The following STARD10 variants were observed in gnomAD, a reference collection of about 807,000 sequenced individuals.
STARD10 encodes START domain-containing protein 10.
In STARD10, 24 loss-of-function variants were observed where a neutral mutation model predicts 36.0. That is an observed-to-expected ratio of 0.67 (90% confidence interval 0.48 to 0.94). The LOEUF is 0.94. Ranked by LOEUF, STARD10 falls within the 40% of genes least tolerant of loss-of-function variation. The pLI is 0.00. For missense variants in STARD10, 335 were observed against 396.6 expected (o/e 0.84, Z 1.32); for synonymous variants, 156 against 161.9 (o/e 0.96, Z 0.28).
In STARD10 at chr11:72,759,490, G is replaced by C. The variant is rs540908430; in HGVS notation, c.208-109C>G. The C allele has an allele frequency of 2.3e-4, 307 of 1,334,658 alleles. 2 individuals carry two copies. In the African/African-American group the frequency reaches 4.1e-3, roughly 18 times the overall value. The allele number at this position is 1,334,658 out of a possible 1,614,324, so 82.7% of individuals were successfully genotyped here. A position where few individuals can be genotyped will look rare whatever the true frequency, so the allele number is the denominator to read the frequency against. On this transcript the variant is annotated intron_variant, in intron 2 of 6. Transcript: ENST00000334805. ...GGAGGAAGAGAAAGAGGACAGCAAA[G>C]AACAGGGGCCTCTGAAACCAGCATG...
At chr11:72,780,718 C>T (rs951047137) in intron 2 of STARD10, 28 of 539,708 alleles carry the variant, frequency 5.2e-5, no homozygotes, top group Admixed American at 2.2e-4. Flanking sequence ...ATCCCTGGAA[C>T]AGGCAGGGGC....
intron 5 of STARD10, 153 bp from the exon 6 acceptor site, chr11:72,755,906 C>A: frequency 3.2e-6 from 2 of 628,030 alleles, no homozygotes; most frequent in Non-Finnish European, 2.7e-6. Flanking sequence ...CCTTTACCCT[C>A]ACTCCCTTCC....
At position 72,755,017 on chromosome 11, in the gene STARD10, C is replaced by T; in HGVS notation, c.756G>A (p.Leu252=). 6.2e-7 allele frequency: 1 copy of T among 1,613,148 alleles called. No individual in the cohort carries two copies. Among genetic ancestry groups the T allele is most frequent in the South Asian group, 1.1e-5 (1 of 90,806 alleles). Residue 252 remains leucine, a synonymous_variant, in exon 7 of 7, where the codon CTG becomes CTA. Coordinates refer to ENST00000334805, the MANE Select transcript of STARD10 (RefSeq NM_006645.3). ...CCAGTGAGTCCGCATGCTGCACCGA[C>T]AGCTCCGACAGCGCCAGGCTCGGCA... The part of the protein sequence containing the change: ...SPLPSLALSE[L]SVQHADSLEN...
rs546049456 is a variant in STARD10 at position 72,791,657 on chromosome 11, C to T, written c.-114+1218G>A. Among the ~76,000 whole-genome samples the T allele has an allele frequency of 1.1e-3, 169 of 150,970 alleles. 11 individuals carry two copies. Among genetic ancestry groups the T allele is most frequent in the South Asian group, 2.1e-4 (1 of 4,736 alleles). ...GGCGGAGGTTGCAGTGAGCCAAGAT[C>T]GCACCCTTGCACTCCAGCCTGGGCA... On this transcript the variant is annotated intron_variant, in intron 1 of 6. Transcript: ENST00000334805.
At chr11:72,760,050 A>T (rs1235046591) in intron 2 of STARD10, among the ~76,000 whole-genome samples, 1 of 151,232 alleles carries the variant, frequency 6.6e-6, no homozygotes, top group Non-Finnish European at 1.5e-5. Context: ...AGCTGGGATT[A>T]CAGGCACGTG....
At chr11:72,757,352 C>A (rs902216699) in intron 5 of STARD10, among the ~76,000 whole-genome samples, 2 of 152,122 alleles carry the variant, frequency 1.3e-5, no homozygotes, top group African/African-American at 4.8e-5. Context: ...GTCCAGGTGG[C>A]CGATGGCCAC....
chr11:72,756,489 T>C (rs1296779909), intron 5 of STARD10, among the ~76,000 whole-genome samples: 1 of 151,978 alleles, frequency 6.6e-6, no homozygotes, highest in East Asian at 1.9e-4. Context: ...AGCCGACTGT[T>C]CTACTAGAGG....
At chr11:72,774,743 G>T (rs1217955847) in intron 2 of STARD10, among the ~76,000 whole-genome samples, 1 of 152,212 alleles carries the variant, frequency 6.6e-6, no homozygotes, top group Non-Finnish European at 1.5e-5. Context: ...TGCTCCTCGG[G>T]AACAAACTGG....
rs539889103 is a variant in STARD10 at position 72,757,966 on chromosome 11, C to T, written c.460-82G>A. The T allele has an allele frequency of 3.5e-4, 396 of 1,132,864 alleles. 3 individuals are homozygous for T. The highest frequency in any genetic ancestry group is 2.2e-3 in the Middle Eastern group (10 of 4,630). The allele number at this position is 1,132,864 out of a possible 1,614,324, so 70.2% of individuals were successfully genotyped here. A position where few individuals can be genotyped will look rare whatever the true frequency, so the allele number is the denominator to read the frequency against. On this transcript the variant is annotated intron_variant, in intron 4 of 6. Coordinates refer to ENST00000334805, the MANE Select transcript of STARD10 (RefSeq NM_006645.3). ...TTGTGAGTATACACAAACGCGCACG[C>T]GCACACACACATACAGTTAATTCAC...
intron 6 of STARD10, 197 bp from the exon 7 acceptor site, chr11:72,755,339 C>G (rs1419203117): frequency 3.9e-6 from 2 of 510,356 alleles, no homozygotes; most frequent in African/African-American, 5.2e-5. Context: ...GAGACGGAAT[C>G]TCACTGTGTG....
Position 72,781,145 on chromosome 11 carries a change from G to A in STARD10, c.37C>T (p.Pro13Ser), listed in dbSNP as rs1591270771. ...CTCTCACGGCCCAGGACCGGCCGAG[G>A]CCCTTGGGGCTCTGTAGAGGCCGCC... is the stretch of plus-strand genomic sequence containing the variant. ...KLAASTEPQGPRPVLGRESVQ... is the reference protein window; with the variant it reads ...KLAASTEPQGSRPVLGRESVQ... Residue 13 changes from proline (P) to serine (S), a missense_variant, in exon 2 of 7, where the codon CCT becomes TCT. Pro to Ser is a moderately conservative substitution (Grantham distance 74). Transcript: ENST00000334805. The surrounding 1 kb of genome is among the most constrained non-coding windows in gnomAD (Gnocchi z 4.7). 1 of 1,612,780 alleles carries A rather than the reference G, an allele frequency of 6.2e-7. No homozygotes were observed.
Position 72,758,613 on chromosome 11 carries a change from T to A in STARD10, c.376A>T (p.Lys126Ter). Reference protein sequence around the residue: ...YYSWRCPKPLKNRDVITLRSW... With the variant: ...YYSWRCPKPL ...CGGAGGGTGATGACATCACGGTTCT[T>A]CAGGGGCTTGGGACACCTCCCTGTG... Residue 126 changes from lysine to a stop codon, truncating the protein, a stop_gained, in exon 4 of 7, where the codon AAG becomes TAG. Transcript: ENST00000334805. LOFTEE classifies it high-confidence loss of function. 6.2e-7 allele frequency: 1 copy of A among 1,613,892 alleles called. No homozygotes were observed. The highest frequency in any genetic ancestry group is 8.5e-7 in the Non-Finnish European group (1 of 1,179,928).
At chr11:72,771,998 A>T (rs1037242100) in intron 2 of STARD10, among the ~76,000 whole-genome samples, 29 of 152,146 alleles carry the variant, frequency 1.9e-4, no homozygotes, top group African/African-American at 7.0e-4. Context: ...CAGTGGACTG[A>T]CGCCCCCAGA....
At chr11:72,762,625 C>T (rs1197415727) in intron 2 of STARD10, among the ~76,000 whole-genome samples, 1 of 152,018 alleles carries the variant, frequency 6.6e-6, no homozygotes, top group Non-Finnish European at 1.5e-5. Flanking sequence ...GAGAGGTCTG[C>T]AGTGAAAGGA....
chr11:72,755,708 G>T lies in STARD10; in HGVS notation c.623C>A (p.Ala208Asp). 1 of 1,613,802 alleles carries T rather than the reference G, an allele frequency of 6.2e-7. No individual in the cohort carries two copies. Residue 208 changes from alanine (A) to aspartate (D), a missense_variant, in exon 6 of 7, where the codon GCT (alanine) becomes GAT (aspartate). By Grantham distance (126) the Ala-to-Asp change is moderately radical. Coordinates refer to ENST00000334805, the MANE Select transcript of STARD10 (RefSeq NM_006645.3). ...WVVNKSSQFLAPKAMKKMYKA... is the reference protein window; with the variant it reads ...WVVNKSSQFLDPKAMKKMYKA... ...AATCCCAAGGCCACTCACCTTGGGA[G>T]CCAGGAACTGAGAAGATTTATTCAC... is the stretch of plus-strand genomic sequence containing the variant.
At chr11:72,757,165 A>G (rs1230790597) in intron 5 of STARD10, among the ~76,000 whole-genome samples, 1 of 151,738 alleles carries the variant, frequency 6.6e-6, no homozygotes, top group East Asian at 1.9e-4. Flanking sequence ...AAAAAAAAAA[A>G]AATCAATGGC....
chr11:72,789,349 C>T (rs768776192), intron 1 of STARD10, among the ~76,000 whole-genome samples: 1 of 152,204 alleles, frequency 6.6e-6, no homozygotes, highest in Non-Finnish European at 1.5e-5. Context: ...GGCCTCTGTC[C>T]TACATCTTTG....
chr11:72,767,362 GAC>G (rs1858806773), intron 2 of STARD10, among the ~76,000 whole-genome samples: 2 of 152,184 alleles, frequency 1.3e-5, no homozygotes, highest in Non-Finnish European at 2.9e-5. Context: ...TATTGCCTCT[GAC>G]CCTTCCAACA....
At chr11:72,776,931 G>A (rs1858936356) in intron 2 of STARD10, among the ~76,000 whole-genome samples, 1 of 152,150 alleles carries the variant, frequency 6.6e-6, no homozygotes, top group African/African-American at 2.4e-5. Context: ...TTTCCCAAAG[G>A]GGAAGGGGAG....
Sources: gnomAD v4.1 joint callset for allele counts (sites outside exome capture counted in the v4.1 genomes callset) on GRCh38, gnomAD v4.1.1 for gene constraint, Gnocchi (gnomAD v3.1) non-coding constraint, MANE v1.5 for transcripts, NCBI Gene and HGNC (gene_info 2026-07-23, HGNC 2026-07-21) for gene names.